Variants in FSTL4 observed in about 807,000 individuals in gnomAD.
FSTL4 encodes follistatin like 4.
FSTL4 carries 28 observed loss-of-function variants against 78.2 expected under a neutral mutation model. The ratio of observed to expected loss-of-function variants is 0.36; its 90% CI spans 0.27 to 0.49. The LOEUF (loss-of-function observed/expected upper bound fraction) is 0.49. Among genes scored for constraint, FSTL4 ranks in the 20% least tolerant of loss-of-function variants. The pLI is 0.98. For missense variants in FSTL4, 922 were observed against 1,084.9 expected (o/e 0.85, Z 2.11); for synonymous variants, 422 against 440.5 (o/e 0.96, Z 0.53).
At chr5:133,566,090 C>T (rs1338028185) in intron 3 of FSTL4, among the ~76,000 whole-genome samples, 1 of 152,054 alleles carries the variant, frequency 6.6e-6, no homozygotes, top group Non-Finnish European at 1.5e-5. Context: ...AGTCCGAAGC[C>T]GAAGATAATG....
chr5:133,811,343 C>A, the FSTL4 span, among the ~76,000 whole-genome samples: 3 of 152,136 alleles, frequency 2.0e-5, no homozygotes, highest in East Asian at 3.8e-4. Flanking sequence ...ATTCTCCCTG[C>A]CCTTCAAGGC....
chr5:133,498,879 C>G (rs75276086), intron 3 of FSTL4, among the ~76,000 whole-genome samples: 1 of 152,156 alleles, frequency 6.6e-6, no homozygotes, highest in African/African-American at 2.4e-5. Context: ...TCTGTGAGGT[C>G]TGTTTTAGCA....
intron 1 of FSTL4, among the ~76,000 whole-genome samples, chr5:133,610,474 G>A (rs1188240625): frequency 1.3e-5 from 2 of 152,220 alleles, no homozygotes; most frequent in South Asian, 2.1e-4. Context: ...GGGAAAAAGC[G>A]AACATTTAGC....
the FSTL4 span, among the ~76,000 whole-genome samples, chr5:133,812,389 T>C: frequency 6.6e-6 from 1 of 152,228 alleles, no homozygotes; most frequent in African/African-American, 2.4e-5. Flanking sequence ...AGTTCCCCCA[T>C]GATCTGTCCC....
chr5:133,429,844 A>G (rs555001345), intron 3 of FSTL4, among the ~76,000 whole-genome samples: 8 of 152,252 alleles, frequency 5.3e-5, no homozygotes, highest in Non-Finnish European at 8.8e-5. Context: ...CCACCTCAAG[A>G]TGTAACTCAA....
At chr5:133,246,835 T>TA (rs1315969234) in intron 7 of FSTL4, 1 of 152,204 alleles carries the variant, frequency 6.6e-6, no homozygotes, top group Non-Finnish European at 1.5e-5. Context: ...ACAGTGATAA[T>TA]AGCATTTATA....
intron 1 of FSTL4, among the ~76,000 whole-genome samples, chr5:133,608,406 C>A (rs1485949971): frequency 6.6e-6 from 1 of 152,254 alleles, no homozygotes; most frequent in Non-Finnish European, 1.5e-5. Flanking sequence ...TCAGGAGAAC[C>A]TGGTGCTAAC....
chr5:133,477,026 T>C (rs1757938719), intron 3 of FSTL4, among the ~76,000 whole-genome samples: 1 of 152,234 alleles, frequency 6.6e-6, no homozygotes, highest in Non-Finnish European at 1.5e-5. Flanking sequence ...CATTTTCTTA[T>C]TGAAGACTTT....
At chr5:133,289,883 G>A (rs955615480) in intron 6 of FSTL4, among the ~76,000 whole-genome samples, 4 of 152,194 alleles carry the variant, frequency 2.6e-5, no homozygotes, top group Admixed American at 6.5e-5. Flanking sequence ...TTCACTTGAC[G>A]AGAAACAGAA....
Position 133,365,574 on chromosome 5 carries a change from C to T in FSTL4, c.409+35164G>A, listed in dbSNP as rs535105133. Among the ~76,000 whole-genome samples, 22 of 152,320 alleles carry T rather than the reference C, an allele frequency of 1.4e-4. No individual in the cohort carries two copies. In the South Asian group the frequency reaches 4.1e-3, roughly 29 times the overall value. On this transcript the variant is annotated intron_variant, in intron 4 of 15. Transcript: ENST00000265342. Reference sequence around the variant, plus strand: ...GAGGCAGGATGTTCTATCGATTTCTCCCTGGCCCTCTGGTTTCCCATGAGC... The same window carrying T: ...GAGGCAGGATGTTCTATCGATTTCTTCCTGGCCCTCTGGTTTCCCATGAGC...
intron 3 of FSTL4, among the ~76,000 whole-genome samples, chr5:133,405,865 C>T (rs528761249): frequency 1.9e-4 from 29 of 152,304 alleles, no homozygotes; most frequent in African/African-American, 4.8e-4. Flanking sequence ...GTGGTAACAA[C>T]GGGGCACTTC....
chr5:133,603,287 A>C (rs1302065655), intron 2 of FSTL4, among the ~76,000 whole-genome samples: 1 of 152,208 alleles, frequency 6.6e-6, no homozygotes. Context: ...CAGAACATCC[A>C]GACTCTCCAG....
intron 6 of FSTL4, among the ~76,000 whole-genome samples, chr5:133,250,978 T>C (rs911792976): frequency 3.3e-5 from 5 of 152,140 alleles, no homozygotes; most frequent in South Asian, 4.1e-4. Flanking sequence ...AAAATGTGAC[T>C]AACGGTGAAG....
chr5:133,635,592 C>T, the FSTL4 span, among the ~76,000 whole-genome samples: 1 of 152,214 alleles, frequency 6.6e-6, no homozygotes, highest in South Asian at 2.1e-4. Flanking sequence ...GGAGAAACCC[C>T]ATCTCTACTA....
At chr5:133,704,507 C>T in the FSTL4 span, among the ~76,000 whole-genome samples, 1 of 152,202 alleles carries the variant, frequency 6.6e-6, no homozygotes, top group East Asian at 1.9e-4. Context: ...AATGGAATGC[C>T]AGTCCTAAAT....
chr5:133,514,255 C>T (rs1758808234), intron 3 of FSTL4, among the ~76,000 whole-genome samples: 1 of 150,488 alleles, frequency 6.6e-6, no homozygotes, highest in South Asian at 2.1e-4. Context: ...CAGGAGGAAT[C>T]TCTAGAGAAG....
chr5:133,325,952 C>A (rs1418916806), intron 4 of FSTL4, among the ~76,000 whole-genome samples: 1 of 152,220 alleles, frequency 6.6e-6, no homozygotes, highest in African/African-American at 2.4e-5. Flanking sequence ...ACCACCAAAG[C>A]AAAAACCTGG....
At chr5:133,613,807 C>T (rs1248632349), upstream of FSTL4, among the ~76,000 whole-genome samples, 1 of 152,162 alleles carries the variant, frequency 6.6e-6, no homozygotes, top group African/African-American at 2.4e-5. Context: ...GGTTGACTTC[C>T]CATGTGGATA....
the FSTL4 span, among the ~76,000 whole-genome samples, chr5:133,742,320 A>G: frequency 6.6e-6 from 1 of 152,208 alleles, no homozygotes; most frequent in East Asian, 1.9e-4. Context: ...CCAGCTTCCC[A>G]AAGCCCTGAT....
Sources: allele counts gnomAD v4.1 joint callset (sites outside exome capture counted in the v4.1 genomes callset), GRCh38; gene constraint gnomAD v4.1.1; transcripts MANE v1.5; gene names NCBI Gene and HGNC (gene_info 2026-07-23, HGNC 2026-07-21).